OXR1: variants seen among roughly 807,000 people sequenced by gnomAD.
The protein encoded by OXR1 is oxidation resistance protein 1.
Under a neutral mutation model 104.6 loss-of-function variants are expected in OXR1, and 41 were observed. The ratio of observed to expected loss-of-function variants is 0.39; its 90% confidence interval spans 0.31 to 0.51. The LOEUF (loss-of-function observed/expected upper bound fraction) is 0.51. Ranked by LOEUF, OXR1 falls within the 20% of genes least tolerant of loss-of-function variation. OXR1 has a pLI of 0.77. For missense variants in OXR1, 955 were observed against 1,031.9 expected (o/e 0.93, Z 1.02); for synonymous variants, 348 against 348.4 (o/e 1.00, Z 0.01).
At chr8:106,482,886 G>A (rs182606927) in intron 2 of OXR1, among the ~76,000 whole-genome samples, 15 of 152,040 alleles carry the variant, frequency 9.9e-5, no homozygotes, top group South Asian at 2.1e-4. Context: ...AGTACAGAGT[G>A]TCTTACCAGA....
chr8:106,717,192 A>C (rs1397020180), intron 11 of OXR1, among the ~76,000 whole-genome samples: 4 of 152,220 alleles, frequency 2.6e-5, no homozygotes, highest in Non-Finnish European at 5.9e-5. Flanking sequence ...TCTCAAAAAA[A>C]ATAAATAAAT....
At chr8:106,740,646 G>A (rs1338495092) in intron 14 of OXR1, 151 bp downstream of exon 14, 1 of 642,598 alleles carries the variant, frequency 1.6e-6, no homozygotes, top group East Asian at 2.8e-5. Context: ...GCAATGTTGA[G>A]TATTACAGAG....
intron 2 of OXR1, among the ~76,000 whole-genome samples, chr8:106,464,283 ATTTT>A (rs761186195): frequency 0.019 from 2,891 of 152,084 alleles, 77 homozygotes; most frequent in South Asian, 0.084. Flanking sequence ...TGATGGAGAT[ATTTT>A]TATTCTTATT....
At chr8:106,727,463 G>A (rs1833454733) in intron 11 of OXR1, among the ~76,000 whole-genome samples, 1 of 152,098 alleles carries the variant, frequency 6.6e-6, no homozygotes, top group Non-Finnish European at 1.5e-5. Context: ...TTGTCACCCA[G>A]GTTGGAATGC....
chr8:106,334,497 G>T (rs765133322), intron 1 of OXR1, among the ~76,000 whole-genome samples: 3 of 152,076 alleles, frequency 2.0e-5, no homozygotes, highest in Non-Finnish European at 1.5e-5. Flanking sequence ...ATCCTTTCTC[G>T]TTCCTGATCT....
chr8:106,657,762 C>A, intron 3 of OXR1: 1 of 1,091,160 alleles, frequency 9.2e-7, no homozygotes, highest in Non-Finnish European at 1.2e-6. Context: ...AAAAACTTTT[C>A]GAAAACTTTT....
intron 3 of OXR1, among the ~76,000 whole-genome samples, chr8:106,539,978 CTTTATAAAA>C (rs1002787056): frequency 4.6e-5 from 7 of 152,076 alleles, no homozygotes; most frequent in Non-Finnish European, 7.4e-5. Flanking sequence ...TTGATTCAAA[CTTTATAAAA>C]TTGACTCAAA....
chr8:106,590,271 G>GATTTTT (rs1422800598), intron 3 of OXR1, among the ~76,000 whole-genome samples: 2 of 151,528 alleles, frequency 1.3e-5, no homozygotes, highest in Admixed American at 6.6e-5. Flanking sequence ...ACAGGTTTTT[G>GATTTTT]GTTTTTGTTG....
intron 2 of OXR1, among the ~76,000 whole-genome samples, chr8:106,362,890 C>G (rs1816305738): frequency 6.6e-6 from 1 of 152,114 alleles, no homozygotes; most frequent in Middle Eastern, 3.2e-3. Context: ...TGGAGATTAG[C>G]AAGGAATTGG....
intron 1 of OXR1, among the ~76,000 whole-genome samples, chr8:106,357,673 CATT>C (rs1045259127): frequency 3.2e-4 from 48 of 152,006 alleles, no homozygotes; most frequent in African/African-American, 1.1e-3. Flanking sequence ...ATCCTTGTAT[CATT>C]AATACTAATA....
chr8:106,424,193 C>T (rs564377175), intron 2 of OXR1, among the ~76,000 whole-genome samples: 6 of 152,266 alleles, frequency 3.9e-5, no homozygotes, highest in Admixed American at 1.3e-4. Context: ...CCCCCTCAGC[C>T]TCCCAAACTG....
intron 2 of OXR1, among the ~76,000 whole-genome samples, chr8:106,406,861 C>G (rs866502736): frequency 1.3e-5 from 2 of 152,206 alleles, no homozygotes; most frequent in African/African-American, 4.8e-5. Flanking sequence ...GATAATAGCA[C>G]GTCCATATAA....
intron 1 of OXR1, among the ~76,000 whole-genome samples, chr8:106,277,676 C>T (rs1443453755): frequency 6.6e-6 from 1 of 152,218 alleles, no homozygotes; most frequent in Non-Finnish European, 1.5e-5. Context: ...TTTCTTAGCT[C>T]CTCTTCCTTA....
chr8:106,589,063 T>C (rs1818871917), intron 3 of OXR1, among the ~76,000 whole-genome samples: 1 of 152,102 alleles, frequency 6.6e-6, no homozygotes, highest in African/African-American at 2.4e-5. Context: ...CTGCCTTTAG[T>C]GGACTGCTTC....
chr8:106,691,767 A>G (rs1205566209), intron 6 of OXR1, among the ~76,000 whole-genome samples: 1 of 151,014 alleles, frequency 6.6e-6, no homozygotes, highest in Non-Finnish European at 1.5e-5. Context: ...ATAGCTCTGC[A>G]TCAGCTATTT....
intron 3 of OXR1, among the ~76,000 whole-genome samples, chr8:106,591,135 T>G (rs1280945159): frequency 6.6e-6 from 1 of 151,226 alleles, no homozygotes; most frequent in East Asian, 1.9e-4. Context: ...TTGTCCTTTG[T>G]AGGGACATGG....
intron 2 of OXR1, among the ~76,000 whole-genome samples, chr8:106,377,217 C>A (rs959903912): frequency 2.0e-5 from 3 of 151,940 alleles, no homozygotes; most frequent in Admixed American, 6.6e-5. Context: ...AGGGTTTCCC[C>A]CTCTCGCTCA....
intron 3 of OXR1, among the ~76,000 whole-genome samples, chr8:106,644,280 T>C (rs2130960590): frequency 6.6e-6 from 1 of 152,334 alleles, no homozygotes; most frequent in East Asian, 1.9e-4. Context: ...TTTCAGAATA[T>C]AGACATGGCA....
At position 106,383,027 on chromosome 8, in the gene OXR1, A is replaced by C. The variant is rs1475841204; in HGVS notation, c.23+23391A>C. Among the ~76,000 whole-genome samples the C allele has an allele frequency of 2.0e-5, 3 of 151,702 alleles. No individual in the cohort carries two copies. In the East Asian group the frequency reaches 5.8e-4, roughly 29 times the overall value. The stretch of plus-strand genomic sequence containing the variant: ...TGTAACCCTGGGTGCCTGGAAAGGT[A>C]GGAAGGAAGTGGGGAGACTTGAAGA... On this transcript the variant is annotated intron_variant, in intron 2 of 16. Coordinates refer to ENST00000517566, the MANE Select transcript of OXR1 (RefSeq NM_001198533.2).
Sources: gnomAD v4.1 joint callset for allele counts (sites outside exome capture counted in the v4.1 genomes callset) on GRCh38, gnomAD v4.1.1 for gene constraint, MANE v1.5 for transcripts, NCBI Gene and HGNC (gene_info 2026-07-23, HGNC 2026-07-21) for gene names.